The following SLMAP variants were observed in gnomAD, a reference collection of about 807,000 sequenced individuals.
SLMAP encodes the protein sarcolemma associated protein, also known as sarcolemmal membrane-associated protein.
Under a neutral mutation model 128.8 loss-of-function variants are expected in SLMAP, and 44 were observed. The ratio of observed to expected loss-of-function variants is 0.34; its 90% CI spans 0.27 to 0.44. SLMAP has a LOEUF of 0.44. Among genes scored for constraint, SLMAP ranks in the 20% least tolerant of loss-of-function variants. The pLI, the probability that SLMAP is intolerant of heterozygous loss-of-function variation, is 1.00. For missense variants in SLMAP, 787 were observed against 985.3 expected (o/e 0.80, Z 2.69); for synonymous variants, 327 against 348.8 (o/e 0.94, Z 0.70).
At chr3:57,802,381 G>A (rs2088738491) in intron 2 of SLMAP, among the ~76,000 whole-genome samples, 1 of 151,890 alleles carries the variant, frequency 6.6e-6, no homozygotes, top group African/African-American at 2.4e-5. Context: ...GGGTTCAAAC[G>A]ATTCTCCTGC....
At chr3:57,856,042 CAGAAAA>C (rs1247440633) in intron 6 of SLMAP, among the ~76,000 whole-genome samples, 1 of 148,842 alleles carries the variant, frequency 6.7e-6, no homozygotes, top group Non-Finnish European at 1.5e-5. Context: ...GACTTCGTCT[CAGAAAA>C]AGAAAAAAAA....
In SLMAP at chr3:57,864,815, G is replaced by T; in HGVS notation, c.1144G>T (p.Glu382Ter). Reference protein sequence around the residue: ...ERLTALQVRLEHLQEKTLKEC... With the variant: ...ERLTALQVRL The stretch of plus-strand genomic sequence containing the variant: ...TGGACTTTTATTTACAGTACGGTTA[G>T]AACATCTTCAGGAGAAAACTCTTAA... Residue 382 changes from glutamate (E) to a stop codon, truncating the protein, a stop_gained, in exon 12 of 25, where the codon GAA becomes TAA. Transcript: ENST00000671191. LOFTEE classifies it high-confidence loss of function. 1 of 1,592,646 alleles carries T rather than the reference G, an allele frequency of 6.3e-7. No homozygotes were observed. Among genetic ancestry groups the T allele is most frequent in the Non-Finnish European group, 8.5e-7 (1 of 1,171,096 alleles).
intron 17 of SLMAP, chr3:57,901,387 T>TTTTG (rs893990755): frequency 1.3e-5 from 2 of 152,258 alleles, no homozygotes; most frequent in East Asian, 1.9e-4. Flanking sequence ...CCCAGGGTTT[T>TTTTG]TTTGTTTGTT....
Position 57,927,299 on chromosome 3 carries a change from C to T in SLMAP, c.*10C>T. 1 of 1,603,312 alleles carries T rather than the reference C, an allele frequency of 6.2e-7. No homozygotes were observed. Among genetic ancestry groups the T allele is most frequent in the Non-Finnish European group, 8.5e-7 (1 of 1,172,666 alleles). The stretch of plus-strand genomic sequence containing the variant: ...CTCTTGGTTTCTTTCCACACAGAAA[C>T]CCTGGCCCTGGATGCCCATGTTGGC... On this transcript the variant is annotated 3_prime_UTR_variant, in exon 25 of 25. Transcript: ENST00000671191.
intron 6 of SLMAP, among the ~76,000 whole-genome samples, chr3:57,854,903 A>G (rs1577721459): frequency 1.3e-5 from 2 of 152,166 alleles, no homozygotes; most frequent in African/African-American, 4.8e-5. Flanking sequence ...AACATTATAC[A>G]TTGTACTTAC....
intron 2 of SLMAP, among the ~76,000 whole-genome samples, chr3:57,778,416 GTTC>G (rs1345621858): frequency 4.7e-5 from 7 of 147,388 alleles, no homozygotes; most frequent in African/African-American, 1.3e-4. Flanking sequence ...CAACATTATT[GTTC>G]TTCTTAAAGA....
intron 2 of SLMAP, among the ~76,000 whole-genome samples, chr3:57,783,710 G>A (rs2083501178): frequency 6.6e-6 from 1 of 152,132 alleles, no homozygotes; most frequent in Non-Finnish European, 1.5e-5. Flanking sequence ...TGGATAGGAG[G>A]GAGCCAAGTA....
Position 57,849,781 on chromosome 3 carries a change from T to C in SLMAP, c.484T>C (p.Ser162Pro). 1 of 1,577,462 alleles carries C rather than the reference T, an allele frequency of 6.3e-7. No homozygotes were observed. Among genetic ancestry groups the C allele is most frequent in the Non-Finnish European group, 8.7e-7 (1 of 1,146,590 alleles). The change falls in exon 6 of 25, where the codon TCT becomes CCT. Residue 162 changes from serine to proline, a missense_variant. Physicochemically the swap from Ser to Pro is moderately conservative, Grantham distance 74 (BLOSUM62 -1). Around this residue, in one of 2 missense-constraint regions of SLMAP, gnomAD observed 715 missense variants for 843.6 expected, o/e 0.85. Coordinates refer to ENST00000671191, the MANE Select transcript of SLMAP (RefSeq NM_001377540.1). ...KVAANTPSMY[S>P]QELFQLSQYL... ...TGCTGCTAACACTCCAAGTATGTAC[T>C]CTCAGGAACTATTCCAGCTTTCTCA...
intron 24 of SLMAP, 69 bp from the exon 25 acceptor site, chr3:57,927,227 C>T (rs905007287): frequency 2.2e-6 from 2 of 921,916 alleles, no homozygotes; most frequent in African/African-American, 1.6e-5. Flanking sequence ...CTCTCTGGAA[C>T]CAAGGGGTTA....
At chr3:57,799,660 T>A (rs987545343) in intron 2 of SLMAP, among the ~76,000 whole-genome samples, 10 of 152,214 alleles carry the variant, frequency 6.6e-5, no homozygotes, top group Non-Finnish European at 1.2e-4. Flanking sequence ...ACATGTTTGC[T>A]TCTGTGGAGG....
At chr3:57,843,167 A>G (rs956245035) in intron 4 of SLMAP, among the ~76,000 whole-genome samples, 28 of 152,176 alleles carry the variant, frequency 1.8e-4, no homozygotes, top group African/African-American at 6.5e-4. Flanking sequence ...TCCATTGTGT[A>G]CATAGCATTT....
At chr3:57,845,370 A>G (rs1275049625) in intron 4 of SLMAP, among the ~76,000 whole-genome samples, 3 of 152,200 alleles carry the variant, frequency 2.0e-5, no homozygotes. Context: ...CTGGTAGTTA[A>G]TATTCCATTT....
chr3:57,818,949 T>A (rs1444900145), intron 2 of SLMAP, among the ~76,000 whole-genome samples: 2 of 152,220 alleles, frequency 1.3e-5, no homozygotes, highest in Non-Finnish European at 2.9e-5. Context: ...GTGCTGGATA[T>A]CATGAGAGGT....
intron 2 of SLMAP, among the ~76,000 whole-genome samples, chr3:57,827,305 G>A (rs1034321156): frequency 6.6e-6 from 1 of 152,206 alleles, no homozygotes; most frequent in African/African-American, 2.4e-5. Flanking sequence ...ACAGATTGTA[G>A]CAAAGTTGAA....
chr3:57,831,515 G>C lies in SLMAP; in HGVS notation c.331G>C (p.Glu111Gln). ...DIIQFGVDVT[E>Q]NTRKVTHGCI... Reference sequence around the variant, plus strand: ...TATCCAGTTTGGAGTAGACGTGACAGAGAATACACGGAAAGGTACGGGTAT... The same window carrying C: ...TATCCAGTTTGGAGTAGACGTGACACAGAATACACGGAAAGGTACGGGTAT... The change falls in exon 3 of 25, where the codon GAG (glutamate) becomes CAG (glutamine). Residue 111 changes from glutamate to glutamine, a missense_variant. By Grantham distance (29) the Glu-to-Gln change is conservative (BLOSUM62 2). Around this residue, in one of 2 missense-constraint regions of SLMAP, gnomAD observed 715 missense variants for 843.6 expected, o/e 0.85. Transcript: ENST00000671191. 6.4e-7 allele frequency: 1 copy of C among 1,558,526 alleles called. No homozygotes were observed. The highest frequency in any genetic ancestry group is 8.7e-7 in the Non-Finnish European group (1 of 1,152,582).
intron 2 of SLMAP, among the ~76,000 whole-genome samples, chr3:57,828,124 A>G (rs2093055625): frequency 6.6e-6 from 1 of 151,986 alleles, no homozygotes; most frequent in Non-Finnish European, 1.5e-5. Context: ...TGCCCAGCTA[A>G]TTTTTTGTGT....
At chr3:57,885,412 G>A (rs1311880875) in intron 14 of SLMAP, among the ~76,000 whole-genome samples, 1 of 114,416 alleles carries the variant, frequency 8.7e-6, no homozygotes, top group Non-Finnish European at 1.8e-5. Flanking sequence ...TTTTGTTGTT[G>A]TTGTTTTTGT....
At chr3:57,776,653 A>G (rs1346686615) in intron 2 of SLMAP, among the ~76,000 whole-genome samples, 2 of 151,250 alleles carry the variant, frequency 1.3e-5, no homozygotes, top group South Asian at 2.1e-4. Flanking sequence ...CAGCCTCCCA[A>G]ATAGCTGGGA....
chr3:57,782,372 AAC>A (rs2153461682), intron 2 of SLMAP, among the ~76,000 whole-genome samples: 1 of 152,312 alleles, frequency 6.6e-6, no homozygotes, highest in East Asian at 1.9e-4. Flanking sequence ...CTTATATTTA[AAC>A]AGTTTTAGAA....
Sources: gnomAD v4.1 joint callset for allele counts (sites outside exome capture counted in the v4.1 genomes callset) on GRCh38, gnomAD v4.1.1 for gene constraint, gnomAD v4.1.1 regional missense constraint, MANE v1.5 for transcripts, NCBI Gene and HGNC (gene_info 2026-07-23, HGNC 2026-07-21) for gene names.